IFT25: variants seen among roughly 807,000 people sequenced by gnomAD.
The protein encoded by IFT25 is intraflagellar transport protein 25 homolog.
chr1:53,935,482 G>A, the IFT25 span, among the ~76,000 whole-genome samples: 21 of 150,572 alleles, frequency 1.4e-4, no homozygotes, highest in Non-Finnish European at 2.9e-4. Context: ...TGATGAAAAC[G>A]TTCTAAAATT....
the IFT25 span, among the ~76,000 whole-genome samples, chr1:53,918,692 C>A: frequency 6.6e-6 from 1 of 152,136 alleles, no homozygotes; most frequent in Non-Finnish European, 1.5e-5. Flanking sequence ...GAGGTTATCT[C>A]TAGAGTTTGA....
chr1:53,937,979 C>T, the IFT25 span, among the ~76,000 whole-genome samples: 2 of 152,162 alleles, frequency 1.3e-5, no homozygotes, highest in African/African-American at 4.8e-5. Flanking sequence ...TTTGAGTTAA[C>T]CTAGTGTAGC....
At chr1:53,941,087 C>T in the IFT25 span, among the ~76,000 whole-genome samples, 6,617 of 152,112 alleles carry the variant, frequency 0.044, 216 homozygotes, top group Non-Finnish European at 0.065. Flanking sequence ...CTCTGCCTTC[C>T]GGTTTCAAGC....
chr1:53,917,371 A>G, the IFT25 span, among the ~76,000 whole-genome samples: 2 of 152,164 alleles, frequency 1.3e-5, no homozygotes, highest in Non-Finnish European at 2.9e-5. Flanking sequence ...AGTCATCCAT[A>G]GTTCTATATG....
At chr1:53,941,501 A>G in the IFT25 span, among the ~76,000 whole-genome samples, 1 of 152,246 alleles carries the variant, frequency 6.6e-6, no homozygotes, top group Non-Finnish European at 1.5e-5. Context: ...AAGTGTGGTA[A>G]CATTGGTAAG....
chr1:53,924,141 A>C, the IFT25 span, among the ~76,000 whole-genome samples: 1 of 152,242 alleles, frequency 6.6e-6, no homozygotes, highest in Non-Finnish European at 1.5e-5. Flanking sequence ...ATAAACTATG[A>C]GCTATAAAAT....
At chr1:53,932,347 A>G in the IFT25 span, among the ~76,000 whole-genome samples, 1 of 151,860 alleles carries the variant, frequency 6.6e-6, no homozygotes. Flanking sequence ...AAAAAAAAAA[A>G]GAAAGATTTT....
the IFT25 span, among the ~76,000 whole-genome samples, chr1:53,917,577 G>A: frequency 6.6e-6 from 1 of 152,154 alleles, no homozygotes; most frequent in South Asian, 2.1e-4. Flanking sequence ...TGTAATCCCA[G>A]CACTTTGGGA....
the IFT25 span, among the ~76,000 whole-genome samples, chr1:53,918,354 C>T: frequency 6.6e-6 from 1 of 152,206 alleles, no homozygotes; most frequent in Non-Finnish European, 1.5e-5. Flanking sequence ...ACCTGTTAAA[C>T]ATCAGTATCA....
chr1:53,937,146 C>A, the IFT25 span, among the ~76,000 whole-genome samples: 1 of 152,188 alleles, frequency 6.6e-6, no homozygotes, highest in South Asian at 2.1e-4. Flanking sequence ...GAGACAGAGT[C>A]TCGCTCTGTC....
chr1:53,916,643 A>G, the IFT25 span: 2 of 294,444 alleles, frequency 6.8e-6, no homozygotes, highest in Non-Finnish European at 1.2e-5. Context: ...AAAACCTTAA[A>G]TGGTTCCAGT....
chr1:53,942,571 G>A, the IFT25 span, among the ~76,000 whole-genome samples: 1 of 152,166 alleles, frequency 6.6e-6, no homozygotes, highest in Non-Finnish European at 1.5e-5. Context: ...TTACAAAAAA[G>A]TTTGCCAACC....
chr1:53,942,708 C>T, the IFT25 span, among the ~76,000 whole-genome samples: 2 of 152,334 alleles, frequency 1.3e-5, no homozygotes, highest in Middle Eastern at 3.4e-3. Flanking sequence ...ATTCCATCAA[C>T]ATTTTTGAAC....
the IFT25 span, among the ~76,000 whole-genome samples, chr1:53,945,086 G>A: frequency 6.6e-6 from 1 of 152,098 alleles, no homozygotes; most frequent in African/African-American, 2.4e-5. Flanking sequence ...AGGCAAACCA[G>A]CCCTGGCACC....
the IFT25 span, among the ~76,000 whole-genome samples, chr1:53,938,826 G>A: frequency 4.6e-5 from 7 of 152,276 alleles, no homozygotes; most frequent in Admixed American, 3.9e-4. Context: ...TGTAATCTCA[G>A]CATTTTGAGA....
chr1:53,945,291 AC>A, the IFT25 span, among the ~76,000 whole-genome samples: 1 of 152,174 alleles, frequency 6.6e-6, no homozygotes, highest in African/African-American at 2.4e-5. Context: ...TCGATTTACA[AC>A]TGGTTTTCCC....
At chr1:53,939,390 C>CAAAAAAAAAAAAAAAAAAAAAAAAAA in the IFT25 span, among the ~76,000 whole-genome samples, 1 of 63,078 alleles carries the variant, frequency 1.6e-5, no homozygotes, top group African/African-American at 5.3e-5. Flanking sequence ...GACTCTGTCT[C>CAAAAAAAAAAAAAAAAAAAAAAAAAA]AAAAAAAAAA....
At chr1:53,921,340 A>C in the IFT25 span, among the ~76,000 whole-genome samples, 1 of 152,164 alleles carries the variant, frequency 6.6e-6, no homozygotes, top group Non-Finnish European at 1.5e-5. Flanking sequence ...CAATCAATTA[A>C]AAAATTAATG....
At chr1:53,915,133 TGAAC>T in the IFT25 span, among the ~76,000 whole-genome samples, 5 of 152,210 alleles carry the variant, frequency 3.3e-5, no homozygotes, top group Non-Finnish European at 5.9e-5. Context: ...TGCAAATAAA[TGAAC>T]GATGTTCACT....
Sources: gnomAD v4.1 joint callset for allele counts (sites outside exome capture counted in the v4.1 genomes callset) on GRCh38, gnomAD v4.1.1 for gene constraint, MANE v1.5 for transcripts, NCBI Gene and HGNC (gene_info 2026-07-23, HGNC 2026-07-21) for gene names.